FAF1: variants seen among roughly 807,000 people sequenced by gnomAD.
The protein encoded by FAF1 is FAS-associated factor 1.
Under a neutral mutation model 92.5 loss-of-function variants are expected in FAF1, and 25 were observed. The observed-to-expected ratio is 0.27, with a 90% CI of 0.20 to 0.38. The LOEUF (loss-of-function observed/expected upper bound fraction) is 0.38, where lower values mean the gene tolerates loss of function less well. Ranked by LOEUF, FAF1 falls within the 10% of genes least tolerant of loss-of-function variation. The pLI, the probability that FAF1 is intolerant of heterozygous loss-of-function variation, is 1.00. For missense variants in FAF1, 636 were observed against 793.3 expected, an observed-to-expected ratio of 0.80 and a Z score of 2.38; for synonymous variants, 234 against 273.2, an observed-to-expected ratio of 0.86 and a Z score of 1.42.
intron 8 of FAF1, among the ~76,000 whole-genome samples, chr1:50,626,766 G>A (rs1302419034): frequency 2.0e-5 from 3 of 152,034 alleles, no homozygotes; most frequent in Admixed American, 2.0e-4. Flanking sequence ...GGAAGTGAGA[G>A]TAAATATAGA....
At chr1:50,717,909 A>G (rs1185835554) in intron 6 of FAF1, among the ~76,000 whole-genome samples, 1 of 152,182 alleles carries the variant, frequency 6.6e-6, no homozygotes, top group Non-Finnish European at 1.5e-5. Flanking sequence ...TTAACCATAA[A>G]AAAATGCCTG....
intron 2 of FAF1, among the ~76,000 whole-genome samples, chr1:50,803,731 C>T (rs960819069): frequency 6.6e-6 from 1 of 152,102 alleles, no homozygotes; most frequent in Non-Finnish European, 1.5e-5. Flanking sequence ...ACAGAAGGAA[C>T]AGTGATACAA....
chr1:50,930,575 C>T (rs142115646), intron 1 of FAF1, among the ~76,000 whole-genome samples: 4 of 152,326 alleles, frequency 2.6e-5, no homozygotes, highest in African/African-American at 4.8e-5. Context: ...GTGGCTCAAG[C>T]CTGTAATCCC....
chr1:50,594,766 G>C (rs2124075667), intron 9 of FAF1, among the ~76,000 whole-genome samples: 1 of 151,398 alleles, frequency 6.6e-6, no homozygotes, highest in South Asian at 2.1e-4. Context: ...AGCTACTTGG[G>C]AGGCTGAGGC....
At position 50,655,436 on chromosome 1, in the gene FAF1, A is replaced by G. The variant is rs1228307266; in HGVS notation, c.744+6T>C. On this transcript the variant is annotated splice_donor_region_variant and intron_variant, in intron 8 of 18. Coordinates refer to ENST00000396153, the MANE Select transcript of FAF1 (RefSeq NM_007051.3). ...ATATAAAACTGAAAATTTGACTGTC[A>G]CTTACTGAGTCGTCTGTAGCAGAAG... 3.7e-6 allele frequency: 6 copies of G among 1,604,384 alleles called. No homozygotes were observed. The highest frequency in any genetic ancestry group is 5.1e-6 in the Non-Finnish European group (6 of 1,171,236).
At chr1:50,465,002 C>T (rs1457438044) in intron 18 of FAF1, among the ~76,000 whole-genome samples, 1 of 152,188 alleles carries the variant, frequency 6.6e-6, no homozygotes, top group Non-Finnish European at 1.5e-5. Context: ...GGTGGTATTT[C>T]TATCATCTCA....
Position 50,798,411 on chromosome 1 carries a change from A to G in FAF1, c.161+3220T>C, listed in dbSNP as rs1661846609. Among the ~76,000 whole-genome samples the G allele has an allele frequency of 2.6e-5, 4 of 152,366 alleles. No individual in the cohort carries two copies. The South Asian group carries it at 8.3e-4, about 32-fold the overall frequency. ...TTTATAAAGTTTACTTTTAGAAAAC[A>G]TAGCATCAGCTCTCCAGTTATACAA... is the stretch of plus-strand genomic sequence containing the variant. On this transcript the variant is annotated intron_variant, in intron 3 of 18. Transcript: ENST00000396153.
intron 1 of FAF1, among the ~76,000 whole-genome samples, chr1:50,863,795 T>C (rs1371923990): frequency 6.6e-6 from 1 of 152,062 alleles, no homozygotes; most frequent in African/African-American, 2.4e-5. Context: ...TTCCTCCTTG[T>C]ACCTCTGGTA....
At chr1:50,704,010 C>T (rs570253615) in intron 7 of FAF1, among the ~76,000 whole-genome samples, 3 of 152,284 alleles carry the variant, frequency 2.0e-5, no homozygotes, top group East Asian at 3.9e-4. Context: ...ATATATGCCA[C>T]TACTTTATAA....
chr1:50,687,049 G>C (rs939564593), intron 7 of FAF1, among the ~76,000 whole-genome samples: 1 of 152,022 alleles, frequency 6.6e-6, no homozygotes, highest in Non-Finnish European at 1.5e-5. Context: ...GGCTGGACTC[G>C]AACTCCTGAC....
At position 50,583,795 on chromosome 1, in the gene FAF1, C is replaced by T. The variant is rs1651099764; in HGVS notation, c.968-80G>A. On this transcript the variant is annotated intron_variant, in intron 10 of 18. Coordinates refer to ENST00000396153, the MANE Select transcript of FAF1 (RefSeq NM_007051.3). The surrounding 1 kb of genome is among the most constrained non-coding windows in gnomAD (Gnocchi z 4.2). ...AAAAACAAACCACATAACATCTAAT[C>T]CCACATATAAGAAATATATTCAATC... 1 of 748,198 alleles carries T rather than the reference C, an allele frequency of 1.3e-6. No homozygotes were observed. The highest frequency in any genetic ancestry group is 2.2e-6 in the Non-Finnish European group (1 of 461,054). The allele number at this position is 748,198 out of a possible 1,614,324, so 46.3% of individuals were successfully genotyped here. A position where few individuals can be genotyped will look rare whatever the true frequency, so the allele number is the denominator to read the frequency against.
At chr1:50,599,824 T>C (rs1482371263) in intron 8 of FAF1, among the ~76,000 whole-genome samples, 3 of 152,172 alleles carry the variant, frequency 2.0e-5, no homozygotes, top group African/African-American at 7.2e-5. Flanking sequence ...GATTTGGTAT[T>C]TAGACAAGTA....
intron 17 of FAF1, among the ~76,000 whole-genome samples, chr1:50,489,497 GTGCCTAC>G (rs1646805193): frequency 1.3e-5 from 2 of 152,166 alleles, no homozygotes; most frequent in Admixed American, 1.3e-4. Context: ...CATTCTGTTT[GTGCCTAC>G]TGCACCTTAG....
chr1:50,907,847 A>AG (rs1400581455), intron 1 of FAF1, among the ~76,000 whole-genome samples: 3 of 151,936 alleles, frequency 2.0e-5, no homozygotes, highest in African/African-American at 7.3e-5. Context: ...ATTTTTTTGA[A>AG]GGTTTTTTTG....
intron 2 of FAF1, among the ~76,000 whole-genome samples, chr1:50,819,730 CAT>C (rs1427332133): frequency 0.023 from 836 of 35,884 alleles, 121 homozygotes; most frequent in African/African-American, 0.089. Context: ...TATATATATA[CAT>C]ATATATACAT....
chr1:50,545,255 A>G (rs935714869), intron 13 of FAF1, among the ~76,000 whole-genome samples: 1 of 152,132 alleles, frequency 6.6e-6, no homozygotes, highest in African/African-American at 2.4e-5. Context: ...CACATATTGA[A>G]TTTGCTCCTA....
chr1:50,938,934 T>A (rs985547789), intron 1 of FAF1, among the ~76,000 whole-genome samples: 1 of 152,234 alleles, frequency 6.6e-6, no homozygotes, highest in Admixed American at 6.5e-5. Context: ...TGTGTCTGTT[T>A]TTGTACCAGT....
chr1:50,821,002 C>T (rs1644038739), intron 2 of FAF1, among the ~76,000 whole-genome samples: 1 of 152,092 alleles, frequency 6.6e-6, no homozygotes, highest in Non-Finnish European at 1.5e-5. Flanking sequence ...GTGGTTGGTG[C>T]AAAAGTAATT....
chr1:50,833,888 G>C (rs1644177501), intron 2 of FAF1, among the ~76,000 whole-genome samples: 1 of 152,112 alleles, frequency 6.6e-6, no homozygotes, highest in South Asian at 2.1e-4. Context: ...TCCAAATATT[G>C]ATCACATTCC....
Sources: allele counts gnomAD v4.1 joint callset (sites outside exome capture counted in the v4.1 genomes callset), GRCh38; gene constraint gnomAD v4.1.1; non-coding constraint Gnocchi (gnomAD v3.1); transcripts MANE v1.5; gene names NCBI Gene and HGNC (gene_info 2026-07-23, HGNC 2026-07-21).